Variants in SSPN observed in about 807,000 individuals in gnomAD.
The protein encoded by SSPN is K-ras oncogene-associated protein.
SSPN carries 15 observed loss-of-function variants against 19.1 expected under a neutral mutation model. That is an observed-to-expected ratio of 0.78 (90% CI 0.52 to 1.21). SSPN has a LOEUF of 1.21. Among genes scored for constraint, SSPN ranks in the 50% most tolerant of loss-of-function variants. The pLI is 0.00. For synonymous variants in SSPN, 147 were observed against 140.3 expected, an observed-to-expected ratio of 1.05 and a Z score of -0.34; for missense variants, 291 against 314.0, an observed-to-expected ratio of 0.93 and a Z score of 0.55.
At chr12:26,122,961 G>T in intron 1 of SSPN, 1 of 1,560,256 alleles carries the variant, frequency 6.4e-7, no homozygotes, top group East Asian at 2.4e-5. Flanking sequence ...TTTGCTCAGA[G>T]GGACCTGTTG....
intron 1 of SSPN, among the ~76,000 whole-genome samples, chr12:26,177,784 C>A (rs1944693570): frequency 6.6e-6 from 1 of 152,210 alleles, no homozygotes; most frequent in Non-Finnish European, 1.5e-5. Flanking sequence ...GTGCTCTGAT[C>A]TTCTGTGCCG....
intron 1 of SSPN, among the ~76,000 whole-genome samples, chr12:26,182,468 A>G (rs893001690): frequency 6.6e-6 from 1 of 152,224 alleles, no homozygotes; most frequent in African/African-American, 2.4e-5. Context: ...TTGAGCGACT[A>G]TAGTTTTAGT....
upstream of SSPN, among the ~76,000 whole-genome samples, chr12:26,194,133 C>A (rs1489656630): frequency 6.6e-6 from 1 of 152,068 alleles, no homozygotes; most frequent in African/African-American, 2.4e-5. Context: ...GATATAAATA[C>A]CCCCAAAGTG....
At chr12:26,214,197 T>A (rs1945022388) in intron 1 of SSPN, among the ~76,000 whole-genome samples, 1 of 152,206 alleles carries the variant, frequency 6.6e-6, no homozygotes, top group African/African-American at 2.4e-5. Flanking sequence ...TGAGTCTCAA[T>A]GACTAAGTCA....
Position 26,230,799 on chromosome 12 carries a change from A to G in SSPN, c.455A>G (p.Gln152Arg). 1 of 1,614,218 alleles carries G rather than the reference A, an allele frequency of 6.2e-7. No homozygotes were observed. The highest frequency in any genetic ancestry group is 8.5e-7 in the Non-Finnish European group (1 of 1,180,046). ...FAAHHYSQLT[Q>R]FTCETTLDSC... Reference sequence around the variant, plus strand: ...GCCCACCACTATTCGCAGCTCACACAGTTTACCTGTGAGACCACACTCGAC... The same window carrying G: ...GCCCACCACTATTCGCAGCTCACACGGTTTACCTGTGAGACCACACTCGAC... The change falls in exon 3 of 3, where the codon CAG (glutamine) becomes CGG (arginine). Residue 152 changes from glutamine to arginine, a missense_variant. By Grantham distance (43) the Gln-to-Arg change is conservative. Coordinates refer to ENST00000242729, the MANE Select transcript of SSPN (RefSeq NM_005086.5).
intron 1 of SSPN, chr12:26,122,904 A>C (rs1365784528): frequency 1.9e-6 from 3 of 1,549,018 alleles, no homozygotes; most frequent in Non-Finnish European, 2.6e-6. Flanking sequence ...CGCGCGCTCC[A>C]GGCAGGGGGC....
At position 26,195,658 on chromosome 12, in the gene SSPN, C is replaced by A; in HGVS notation, c.-15C>A. 7.7e-7 allele frequency: 1 copy of A among 1,301,088 alleles called. No homozygotes were observed. Among genetic ancestry groups the A allele is most frequent in the Non-Finnish European group, 9.7e-7 (1 of 1,027,856 alleles). The allele number at this position is 1,301,088 out of a possible 1,614,324, so 80.6% of individuals were successfully genotyped here. On this transcript the variant is annotated 5_prime_UTR_variant, in exon 1 of 3. Transcript: ENST00000242729. Reference sequence around the variant, plus strand: ...CCGCACACGCACCCACCCACCCACCCAGCCTCGCAGCGCCATGGGCAAGAA... The same window carrying A: ...CCGCACACGCACCCACCCACCCACCAAGCCTCGCAGCGCCATGGGCAAGAA...
In SSPN at chr12:26,230,943, T is replaced by G; in HGVS notation, c.599T>G (p.Ile200Ser). 6.2e-7 allele frequency: 1 copy of G among 1,614,184 alleles called. No homozygotes were observed. Among genetic ancestry groups the G allele is most frequent in the Non-Finnish European group, 8.5e-7 (1 of 1,180,040 alleles). ...TFKLFLLIQM[I>S]LNLVCGLVCL... Reference sequence around the variant, plus strand: ...AAACTGTTCTTACTCATCCAGATGATTCTTAATTTGGTCTGCGGCCTTGTG... The same window carrying G: ...AAACTGTTCTTACTCATCCAGATGAGTCTTAATTTGGTCTGCGGCCTTGTG... The change falls in exon 3 of 3, where the codon ATT (isoleucine) becomes AGT (serine). Residue 200 changes from isoleucine (I) to serine (S), a missense_variant. Around this residue, in one of 3 missense-constraint regions of SSPN, gnomAD observed 141 missense variants for 166.7 expected, o/e 0.85. Coordinates refer to ENST00000242729, the MANE Select transcript of SSPN (RefSeq NM_005086.5).
intron 1 of SSPN, among the ~76,000 whole-genome samples, chr12:26,177,040 T>G (rs1203663075): frequency 6.6e-6 from 1 of 152,182 alleles, no homozygotes; most frequent in Non-Finnish European, 1.5e-5. Flanking sequence ...TGTTGGACTT[T>G]ATTCTTAAGG....
chr12:26,230,390 T>C (rs1323236741), intron 2 of SSPN, among the ~76,000 whole-genome samples: 1 of 152,226 alleles, frequency 6.6e-6, no homozygotes, highest in East Asian at 1.9e-4. Context: ...GATGGCTAGC[T>C]TGTTTGGGAT....
Position 26,224,277 on chromosome 12 carries a change from G to C in SSPN, c.280-16G>C, listed in dbSNP as rs777882481. 1 of 1,596,568 alleles carries C rather than the reference G, an allele frequency of 6.3e-7. No homozygotes were observed. On this transcript the variant is annotated splice_polypyrimidine_tract_variant and intron_variant, in intron 1 of 2. Transcript: ENST00000242729. ...GTACCCTGATAACATCCTTTCTTCT[G>C]TGTTCTCCCTTGCAGGTCTGCTTAG...
intron 1 of SSPN, among the ~76,000 whole-genome samples, chr12:26,163,451 A>G (rs914662972): frequency 2.6e-5 from 4 of 152,202 alleles, no homozygotes; most frequent in Admixed American, 6.5e-5. Context: ...TGGGTAATTT[A>G]TAAAGAATAG....
At chr12:26,122,500 GC>G in intron 1 of SSPN, 1 of 1,315,694 alleles carries the variant, frequency 7.6e-7, no homozygotes, top group Non-Finnish European at 9.8e-7. Flanking sequence ...GCCGCGGGCT[GC>G]GGGAAGGGCG....
intron 1 of SSPN, among the ~76,000 whole-genome samples, chr12:26,200,626 G>A (rs548186887): frequency 2.0e-5 from 3 of 152,250 alleles, no homozygotes; most frequent in African/African-American, 7.2e-5. Flanking sequence ...TTTGGCATTA[G>A]GGTATAGGAT....
At chr12:26,175,486 A>G (rs1257446999) in intron 1 of SSPN, among the ~76,000 whole-genome samples, 1 of 152,196 alleles carries the variant, frequency 6.6e-6, no homozygotes, top group Non-Finnish European at 1.5e-5. Flanking sequence ...CAGTCTATAG[A>G]TCACCATTTC....
At chr12:26,211,558 A>G (rs1298625258) in intron 1 of SSPN, 1 of 152,208 alleles carries the variant, frequency 6.6e-6, no homozygotes, top group Non-Finnish European at 1.5e-5. Flanking sequence ...CAGGAACATC[A>G]AAGAAAGCAC....
At chr12:26,215,121 ATCT>A (rs1162744822) in intron 1 of SSPN, among the ~76,000 whole-genome samples, 5 of 152,140 alleles carry the variant, frequency 3.3e-5, no homozygotes, top group South Asian at 2.1e-4. Context: ...CAAAGACCAT[ATCT>A]TCTTCTTTAT....
At chr12:26,189,551 T>A (rs560094434) in intron 1 of SSPN, among the ~76,000 whole-genome samples, 1 of 152,142 alleles carries the variant, frequency 6.6e-6, no homozygotes, top group Non-Finnish European at 1.5e-5. Context: ...TCCCTATCAC[T>A]TTCTGCCTCA....
intron 1 of SSPN, among the ~76,000 whole-genome samples, chr12:26,143,492 A>C (rs1431885344): frequency 6.6e-6 from 1 of 152,180 alleles, no homozygotes; most frequent in Non-Finnish European, 1.5e-5. Flanking sequence ...AAGAGCTAAG[A>C]TTTAAACCCA....
Sources: allele counts gnomAD v4.1 joint callset (sites outside exome capture counted in the v4.1 genomes callset), GRCh38; gene constraint gnomAD v4.1.1; regional missense constraint gnomAD v4.1.1; transcripts MANE v1.5; gene names NCBI Gene and HGNC (gene_info 2026-07-23, HGNC 2026-07-21).